Variants in CLNK observed in about 807,000 individuals in gnomAD.
CLNK encodes the protein cytokine dependent hematopoietic cell linker, also known as cytokine-dependent hematopoietic cell linker.
In CLNK, 74 loss-of-function variants were observed where a neutral mutation model predicts 68.6. The ratio of observed to expected loss-of-function variants is 1.08; its 90% CI spans 0.89 to 1.31. The LOEUF is 1.31. CLNK is among the 50% of genes most tolerant of loss of function. The pLI is 0.00. For missense variants in CLNK, 553 were observed against 515.3 expected, an observed-to-expected ratio of 1.07 and a Z score of -0.71; for synonymous variants, 198 against 172.2, an observed-to-expected ratio of 1.15 and a Z score of -1.17.
chr4:10,548,486 G>A (rs534741972), intron 8 of CLNK, among the ~76,000 whole-genome samples: 1 of 152,128 alleles, frequency 6.6e-6, no homozygotes, highest in Non-Finnish European at 1.5e-5. Flanking sequence ...TTCCTTTGCT[G>A]TGGAGAAGCT....
chr4:10,671,192 C>A (rs376449610), intron 1 of CLNK, among the ~76,000 whole-genome samples: 4 of 152,026 alleles, frequency 2.6e-5, no homozygotes, highest in African/African-American at 7.2e-5. Context: ...TCGAGGCCAG[C>A]CTGGCCAACA....
intron 2 of CLNK, among the ~76,000 whole-genome samples, chr4:10,618,967 C>T (rs1251655518): frequency 6.6e-6 from 1 of 152,124 alleles, no homozygotes; most frequent in South Asian, 2.1e-4. Context: ...ATATTGTATG[C>T]CTAAATAAAT....
In CLNK at chr4:10,558,429, G is replaced by A. The variant is rs368705178; in HGVS notation, c.423C>T (p.Asp141=). Reference sequence around the variant, plus strand: ...TACCTTTAATGTTTTGGCTTCTGACGTCCTTGGAAATGGGTTTGTCCACCT... The same window carrying A: ...TACCTTTAATGTTTTGGCTTCTGACATCCTTGGAAATGGGTTTGTCCACCT... ...LERVDKPISK[D]VRSQNIKGDA... Residue 141 remains aspartate (D), a synonymous_variant, in exon 8 of 19, where the codon GAC becomes GAT. Coordinates refer to ENST00000226951, the MANE Select transcript of CLNK (RefSeq NM_052964.4). The A allele has an allele frequency of 2.7e-5, 44 of 1,613,664 alleles. No individual in the cohort carries two copies. Among genetic ancestry groups the A allele is most frequent in the Middle Eastern group, 1.7e-4 (1 of 6,060 alleles).
chr4:10,574,441 A>G (rs1173227054), intron 4 of CLNK, among the ~76,000 whole-genome samples: 1 of 151,894 alleles, frequency 6.6e-6, no homozygotes, highest in Non-Finnish European at 1.5e-5. Flanking sequence ...CAGCCTCCAT[A>G]TCTCATCCAA....
At chr4:10,515,978 C>T (rs1717817420) in intron 15 of CLNK, among the ~76,000 whole-genome samples, 1 of 152,066 alleles carries the variant, frequency 6.6e-6, no homozygotes, top group Non-Finnish European at 1.5e-5. Flanking sequence ...TACCACTTGT[C>T]AAATGTTAAT....
intron 2 of CLNK, among the ~76,000 whole-genome samples, chr4:10,644,835 C>G (rs1723450146): frequency 1.3e-5 from 2 of 152,190 alleles, no homozygotes; most frequent in South Asian, 4.1e-4. Flanking sequence ...CTGCCCTGCA[C>G]TCTGAACCAG....
chr4:10,540,021 G>A (rs1718949920), intron 11 of CLNK, among the ~76,000 whole-genome samples: 1 of 152,142 alleles, frequency 6.6e-6, no homozygotes, highest in Non-Finnish European at 1.5e-5. Flanking sequence ...TTTTCTTCTA[G>A]GTATAACTGG....
the CLNK span, among the ~76,000 whole-genome samples, chr4:10,699,284 A>G: frequency 7.9e-4 from 16 of 20,176 alleles, no homozygotes; most frequent in African/African-American, 2.3e-3. Context: ...CACACCACAT[A>G]CGTGTATACA....
At position 10,488,703 on chromosome 4, in the gene CLNK, C is replaced by T. The variant is rs973658189; in HGVS notation, c.*1764G>A. ...ACTTATAGGCATCACTTCACATTGA[C>T]CTTGTGAAAGGAGAACACCTGAGCA... On this transcript the variant is annotated 3_prime_UTR_variant, in exon 19 of 19. Transcript: ENST00000226951. 10 of 152,314 alleles carry T rather than the reference C, an allele frequency of 6.6e-5. No homozygotes were observed. Among genetic ancestry groups the T allele is most frequent in the Admixed American group, 5.9e-4 (9 of 15,294 alleles). The allele number at this position is 152,314 out of a possible 1,614,324, so 9.4% of individuals were successfully genotyped here.
At chr4:10,552,745 C>T (rs1377121882) in intron 8 of CLNK, among the ~76,000 whole-genome samples, 3 of 152,126 alleles carry the variant, frequency 2.0e-5, no homozygotes, top group Non-Finnish European at 4.4e-5. Flanking sequence ...ATGAACATCT[C>T]CCACGTGGTG....
intron 3 of CLNK, among the ~76,000 whole-genome samples, chr4:10,595,392 C>T (rs1721347970): frequency 6.6e-6 from 1 of 152,080 alleles, no homozygotes; most frequent in Admixed American, 6.6e-5. Context: ...CATGAGGAAA[C>T]AGTACAAAAT....
At chr4:10,630,715 A>T (rs764571670) in intron 2 of CLNK, among the ~76,000 whole-genome samples, 6 of 152,096 alleles carry the variant, frequency 3.9e-5, no homozygotes, top group Non-Finnish European at 7.3e-5. Flanking sequence ...CCATCTTTTC[A>T]TTTATTCATA....
chr4:10,690,966 G>T, the CLNK span, among the ~76,000 whole-genome samples: 38 of 152,166 alleles, frequency 2.5e-4, no homozygotes, highest in East Asian at 7.0e-3. Flanking sequence ...AATGAAACAG[G>T]ATAATGAAAT....
At chr4:10,730,034 A>T in the CLNK span, among the ~76,000 whole-genome samples, 1 of 152,244 alleles carries the variant, frequency 6.6e-6, no homozygotes, top group East Asian at 1.9e-4. Flanking sequence ...AACCAACAGG[A>T]TGCTGAGTAG....
chr4:10,552,535 C>T (rs546783625), intron 8 of CLNK, among the ~76,000 whole-genome samples: 15 of 152,198 alleles, frequency 9.9e-5, no homozygotes, highest in African/African-American at 3.6e-4. Context: ...AAACCCAATG[C>T]CTCCACCTTA....
At chr4:10,554,238 G>T (rs58237378) in intron 8 of CLNK, among the ~76,000 whole-genome samples, 1,897 of 152,190 alleles carry the variant, frequency 0.012, 51 homozygotes, top group African/African-American at 0.044. Context: ...ACAAGGAAAA[G>T]AAAAAGTGCT....
In CLNK at chr4:10,520,810, G is replaced by T. The variant is rs1316698108; in HGVS notation, c.753C>A (p.Asn251Lys). The change falls in exon 15 of 19, where the codon AAC becomes AAA. Residue 251 changes from asparagine (N) to lysine (K), a missense_variant. By Grantham distance (94) the Asn-to-Lys change is moderately conservative. Transcript: ENST00000226951. ...TCTTACCTCTGTTTTGCACACTGTG[G>T]TTGCTTGTCGTGAATGAAGAACTAT... ...AISSSSFTTS[N>K]HSVQNRDHRG... 3 of 1,606,740 alleles carry T rather than the reference G, an allele frequency of 1.9e-6. No individual in the cohort carries two copies. The highest frequency in any genetic ancestry group is 2.7e-5 in the African/African-American group (2 of 74,806).
At chr4:10,575,170 C>A (rs1345200399) in intron 4 of CLNK, among the ~76,000 whole-genome samples, 2 of 152,210 alleles carry the variant, frequency 1.3e-5, no homozygotes, top group Non-Finnish European at 2.9e-5. Flanking sequence ...TAATCCCGTA[C>A]CTATCTCCAT....
intron 12 of CLNK, among the ~76,000 whole-genome samples, chr4:10,528,365 A>G (rs1453785144): frequency 6.6e-6 from 1 of 152,218 alleles, no homozygotes; most frequent in East Asian, 1.9e-4. Context: ...GGAATTTACC[A>G]TAATTATCAA....
Sources: allele counts gnomAD v4.1 joint callset (sites outside exome capture counted in the v4.1 genomes callset), GRCh38; gene constraint gnomAD v4.1.1; transcripts MANE v1.5; gene names NCBI Gene and HGNC (gene_info 2026-07-23, HGNC 2026-07-21).